LRP5: variants seen among roughly 807,000 people sequenced by gnomAD.
The protein encoded by LRP5 is low-density lipoprotein receptor-related protein 5.
A neutral mutation model predicts 154.1 loss-of-function variants in LRP5; 62 were observed. The ratio of observed to expected loss-of-function variants is 0.40; its 90% CI spans 0.33 to 0.50. The LOEUF (loss-of-function observed/expected upper bound fraction) is 0.50. Among genes scored for constraint, LRP5 ranks in the 20% least tolerant of loss-of-function variants. LRP5 has a pLI of 0.55. For missense variants in LRP5, 1,915 were observed against 2,336.7 expected (o/e 0.82, Z 3.72); for synonymous variants, 966 against 1,011.5 (o/e 0.96, Z 0.85).
chr11:68,303,995 G>A, the LRP5 span, among the ~76,000 whole-genome samples: 3 of 152,378 alleles, frequency 2.0e-5, no homozygotes, highest in South Asian at 2.1e-4. Flanking sequence ...CAAGCCGGCA[G>A]TGGAGTAACC....
At chr11:68,444,886 T>G (rs1014430100) in intron 21 of LRP5, among the ~76,000 whole-genome samples, 1 of 151,706 alleles carries the variant, frequency 6.6e-6, no homozygotes, top group Admixed American at 6.6e-5. Context: ...TCTCATGCCC[T>G]CTCAACGTTG....
chr11:68,303,369 G>C, the LRP5 span, among the ~76,000 whole-genome samples: 1 of 152,164 alleles, frequency 6.6e-6, no homozygotes, highest in Non-Finnish European at 1.5e-5. Context: ...CTGGAGCAAA[G>C]GTCACTTTCG....
intron 1 of LRP5, among the ~76,000 whole-genome samples, chr11:68,317,070 G>A (rs1477428414): frequency 2.0e-5 from 3 of 152,198 alleles, no homozygotes; most frequent in Non-Finnish European, 4.4e-5. Context: ...GTGCCAGGCC[G>A]CCCTGGAGGG....
the LRP5 span, among the ~76,000 whole-genome samples, chr11:68,307,182 C>T: frequency 7.1e-6 from 1 of 141,322 alleles, no homozygotes; most frequent in Non-Finnish European, 1.6e-5. Context: ...AACTGCAACT[C>T]AAAAAAAAAA....
chr11:68,368,926 C>T (rs1213977551), intron 5 of LRP5, among the ~76,000 whole-genome samples: 1 of 151,276 alleles, frequency 6.6e-6, no homozygotes, highest in Non-Finnish European at 1.5e-5. Context: ...CAGCTTCCAC[C>T]TCCCAGGTTC....
chr11:68,409,073 A>AAAT (rs2098657548), intron 9 of LRP5, among the ~76,000 whole-genome samples: 2 of 44,180 alleles, frequency 4.5e-5, no homozygotes, highest in African/African-American at 1.3e-4. Context: ...AAAAAAAAAA[A>AAAT]ATATATATAT....
At chr11:68,334,870 A>C (rs894241356) in intron 1 of LRP5, among the ~76,000 whole-genome samples, 6 of 152,070 alleles carry the variant, frequency 3.9e-5, no homozygotes, top group African/African-American at 1.4e-4. Flanking sequence ...TGTCTCAAAA[A>C]ATAAAATAAA....
chr11:68,313,628 A>C (rs1187691541), intron 1 of LRP5, among the ~76,000 whole-genome samples: 1 of 152,162 alleles, frequency 6.6e-6, no homozygotes, highest in Non-Finnish European at 1.5e-5. Flanking sequence ...ATGTTCTTTT[A>C]ATTTGGAGAT....
intron 1 of LRP5, among the ~76,000 whole-genome samples, chr11:68,324,168 A>G (rs116368015): frequency 1.1e-3 from 175 of 152,364 alleles, no homozygotes; most frequent in African/African-American, 4.1e-3. Context: ...GTCCTGCCGC[A>G]GAGCAGCCCC....
At chr11:68,418,274 A>G (rs530429063) in intron 13 of LRP5, among the ~76,000 whole-genome samples, 137 of 151,966 alleles carry the variant, frequency 9.0e-4, no homozygotes, top group African/African-American at 2.9e-3. Flanking sequence ...GTGTGGTGGC[A>G]CGCGCCTGTA....
At chr11:68,408,025 C>T (rs1437820059) in intron 9 of LRP5, among the ~76,000 whole-genome samples, 1 of 152,106 alleles carries the variant, frequency 6.6e-6, no homozygotes, top group African/African-American at 2.4e-5. Context: ...AAGTATTGGA[C>T]AACTACAATG....
chr11:68,387,170 A>C (rs1426615036), intron 6 of LRP5, among the ~76,000 whole-genome samples: 2 of 149,066 alleles, frequency 1.3e-5, no homozygotes, highest in African/African-American at 2.5e-5. Flanking sequence ...GCTGGAGTGC[A>C]GTGGTGTGAT....
In LRP5 at chr11:68,348,208, C is replaced by CA; in HGVS notation, c.453_454insA (p.Gln152ThrfsTer21). On this transcript the variant is annotated frameshift_variant, in exon 2 of 23. Coordinates refer to ENST00000294304, the MANE Select transcript of LRP5 (RefSeq NM_002335.4). LOFTEE classifies it high-confidence loss of function. ...AGGTGCTCTTCTGGCAGGACCTTGA[C>CA]CAGCCGAGGGCCATCGCCTTGGACC... is the stretch of plus-strand genomic sequence containing the variant. The CA allele has an allele frequency of 1.2e-6, 2 of 1,610,238 alleles. No individual in the cohort carries two copies. The highest frequency in any genetic ancestry group is 1.7e-6 in the Non-Finnish European group (2 of 1,180,030).
At chr11:68,389,054 GACACTGACATTTACCA>G (rs1179535240) in intron 6 of LRP5, among the ~76,000 whole-genome samples, 1 of 111,612 alleles carries the variant, frequency 9.0e-6, no homozygotes, top group Non-Finnish European at 1.9e-5. Context: ...GACATTTACC[GACACTGACATTTACCA>G]ACACTATTTA....
At chr11:68,404,477 T>G in intron 8 of LRP5, 2 of 492,168 alleles carry the variant, frequency 4.1e-6, no homozygotes, top group Non-Finnish European at 8.1e-6. Flanking sequence ...ATCCCCGGCT[T>G]TAAAATACGA....
At chr11:68,365,195 G>C (rs546858966) in intron 4 of LRP5, among the ~76,000 whole-genome samples, 4 of 152,330 alleles carry the variant, frequency 2.6e-5, no homozygotes, top group Admixed American at 2.0e-4. Context: ...AGCCTTTGCA[G>C]AGGGGTGTCC....
Position 68,403,471 on chromosome 11 carries a change from G to A in LRP5, c.1585-12G>A, listed in dbSNP as rs2098653791. ...CTGGCCCATCCAGACCTATATTTCT[G>A]CCGTCCTGCAGGTGATCAATGTTGA... On this transcript the variant is annotated splice_polypyrimidine_tract_variant and intron_variant, in intron 7 of 22. Coordinates refer to ENST00000294304, the MANE Select transcript of LRP5 (RefSeq NM_002335.4). 1.2e-6 allele frequency: 2 copies of A among 1,613,002 alleles called. No individual in the cohort carries two copies. The highest frequency in any genetic ancestry group is 2.7e-5 in the African/African-American group (2 of 74,868).
rs531515899 is a variant in LRP5 at position 68,351,527 on chromosome 11, C to T, written c.488+3284C>T. On this transcript the variant is annotated intron_variant, in intron 2 of 22. Transcript: ENST00000294304. ...GAAGCCCTCTCCCAGGGCCGGCCTG[C>T]GGTTGCTCACCAGCGGCTGCCATGG... is the stretch of plus-strand genomic sequence containing the variant. Among the ~76,000 whole-genome samples, 18 of 152,292 alleles carry T rather than the reference C, an allele frequency of 1.2e-4. 1 individual carries two copies. Among genetic ancestry groups the T allele is most frequent in the Non-Finnish European group, 2.4e-4 (16 of 68,012 alleles).
rs541166302 is a variant in LRP5, at chr11:68,337,150, C to T, written c.92-10697C>T. On this transcript the variant is annotated intron_variant, in intron 1 of 22. Transcript: ENST00000294304. Reference sequence around the variant, plus strand: ...CCAGGTGTTTCTGAAGGAGACGAATCGGGAGGGACTCGCTCCGCCAGGCAT... The same window carrying T: ...CCAGGTGTTTCTGAAGGAGACGAATTGGGAGGGACTCGCTCCGCCAGGCAT... 1.1e-4 allele frequency among the ~76,000 whole-genome samples: 16 copies of T among 152,294 alleles called. No individual in the cohort carries two copies. In the South Asian group the frequency reaches 1.7e-3, roughly 16 times the overall value.
Sources: gnomAD v4.1 joint callset for allele counts (sites outside exome capture counted in the v4.1 genomes callset) on GRCh38, gnomAD v4.1.1 for gene constraint, MANE v1.5 for transcripts, NCBI Gene and HGNC (gene_info 2026-07-23, HGNC 2026-07-21) for gene names.